DLG2: variants seen among roughly 807,000 people sequenced by gnomAD.
The protein encoded by DLG2 is disks large homolog 2.
In DLG2, 45 loss-of-function variants were observed where a neutral mutation model predicts 132.5. The ratio of observed to expected loss-of-function variants is 0.34; its 90% CI spans 0.27 to 0.44. DLG2 has a LOEUF of 0.44. Ranked by LOEUF, DLG2 falls within the 20% of genes least tolerant of loss-of-function variation. The pLI is 1.00. For missense variants in DLG2, 1,045 were observed against 1,196.9 expected (o/e 0.87, Z 1.87); for synonymous variants, 424 against 419.6 (o/e 1.01, Z -0.13).
intron 8 of DLG2, among the ~76,000 whole-genome samples, chr11:84,245,178 T>G (rs2097286237): frequency 6.6e-6 from 1 of 152,224 alleles, no homozygotes; most frequent in Non-Finnish European, 1.5e-5. Context: ...TCTATGTCAC[T>G]GAACCCATAG....
At chr11:85,371,681 T>A (rs1442436669) in intron 3 of DLG2, among the ~76,000 whole-genome samples, 1 of 152,228 alleles carries the variant, frequency 6.6e-6, no homozygotes, top group African/African-American at 2.4e-5. Flanking sequence ...CTGTGGTCAG[T>A]AAAGAATGTC....
rs183726641 is a variant in DLG2, at chr11:83,541,843, G to A, written c.1956C>T (p.Tyr652=). The change falls in exon 20 of 28, where the codon TAC becomes TAT. Residue 652 remains tyrosine (Y), a synonymous_variant. Transcript: ENST00000376104. ...RSLYVRAMFD[Y]DKSKDSGLPS... ...GCAGCCCACTGTCCTTGCTCTTGTC[G>A]TAGTCGAACATGGCTCTGGAGGAAA... 57 of 1,607,088 alleles carry A rather than the reference G, an allele frequency of 3.5e-5. No homozygotes were observed. The highest frequency in any genetic ancestry group is 9.4e-5 in the African/African-American group (7 of 74,632).
At chr11:85,148,938 A>G (rs180861483) in intron 5 of DLG2, among the ~76,000 whole-genome samples, 1 of 152,312 alleles carries the variant, frequency 6.6e-6, no homozygotes, top group East Asian at 1.9e-4. Context: ...AAGTATAAGG[A>G]AGGGGTCAAG....
intron 6 of DLG2, among the ~76,000 whole-genome samples, chr11:84,900,038 A>T (rs913727354): frequency 1.3e-5 from 2 of 152,038 alleles, no homozygotes; most frequent in Non-Finnish European, 2.9e-5. Context: ...TTTGCCTTAG[A>T]TCATTAAGAA....
intron 3 of DLG2, among the ~76,000 whole-genome samples, chr11:85,417,581 T>G (rs1255133429): frequency 1.3e-5 from 2 of 152,184 alleles, no homozygotes; most frequent in Non-Finnish European, 1.5e-5. Flanking sequence ...TCCTCAGCTT[T>G]TTTTGGTTGG....
intron 10 of DLG2, among the ~76,000 whole-genome samples, chr11:84,063,160 C>T (rs1436019472): frequency 6.6e-6 from 1 of 152,182 alleles, no homozygotes; most frequent in Non-Finnish European, 1.5e-5. Context: ...CAATCTCACT[C>T]TACCAATCTA....
chr11:84,351,601 T>C (rs768170909), intron 7 of DLG2, among the ~76,000 whole-genome samples: 1 of 152,232 alleles, frequency 6.6e-6, no homozygotes, highest in Non-Finnish European at 1.5e-5. Flanking sequence ...ATATACAGTA[T>C]TTTAACTGAG....
chr11:84,103,495 C>A (rs2092687678), intron 9 of DLG2, among the ~76,000 whole-genome samples: 1 of 152,054 alleles, frequency 6.6e-6, no homozygotes, highest in African/African-American at 2.4e-5. Flanking sequence ...AGGTGCCATG[C>A]TGGTAAGGGC....
intron 11 of DLG2, among the ~76,000 whole-genome samples, chr11:84,011,342 G>A (rs2094881208): frequency 2.0e-5 from 3 of 151,966 alleles, no homozygotes; most frequent in South Asian, 2.1e-4. Context: ...GTGGTGGCAT[G>A]TGCCTGTGGT....
At chr11:83,955,671 T>C (rs2086652440) in intron 14 of DLG2, among the ~76,000 whole-genome samples, 1 of 152,150 alleles carries the variant, frequency 6.6e-6, no homozygotes, top group South Asian at 2.1e-4. Flanking sequence ...CAATAATTAG[T>C]GAACTGGGAG....
chr11:84,566,772 C>T (rs1403668290), intron 6 of DLG2, among the ~76,000 whole-genome samples: 1 of 152,152 alleles, frequency 6.6e-6, no homozygotes, highest in Non-Finnish European at 1.5e-5. Context: ...GCTACAGTTC[C>T]TCTAACCTTG....
chr11:83,493,032 C>A (rs1015130759), intron 21 of DLG2, among the ~76,000 whole-genome samples: 4 of 152,080 alleles, frequency 2.6e-5, no homozygotes, highest in Non-Finnish European at 4.4e-5. Flanking sequence ...CTCCATAATC[C>A]AGCTCTAGCT....
chr11:84,977,762 T>A (rs1198091749), intron 6 of DLG2, among the ~76,000 whole-genome samples: 1 of 152,214 alleles, frequency 6.6e-6, no homozygotes, highest in African/African-American at 2.4e-5. Context: ...GTAAAGGCTA[T>A]GCCTTAATGC....
At chr11:85,391,098 A>G (rs973746392) in intron 3 of DLG2, among the ~76,000 whole-genome samples, 1 of 152,102 alleles carries the variant, frequency 6.6e-6, no homozygotes, top group South Asian at 2.1e-4. Flanking sequence ...GAGGAAAAAC[A>G]GGAGATATTG....
intron 18 of DLG2, among the ~76,000 whole-genome samples, chr11:83,713,884 G>A (rs1250526458): frequency 6.6e-6 from 1 of 152,198 alleles, no homozygotes; most frequent in Non-Finnish European, 1.5e-5. Context: ...GAATGTGCAA[G>A]GATGAAAAGA....
intron 18 of DLG2, among the ~76,000 whole-genome samples, chr11:83,710,350 C>A (rs919748864): frequency 1.3e-5 from 2 of 152,150 alleles, no homozygotes; most frequent in Middle Eastern, 3.4e-3. Context: ...TTGATACAGA[C>A]AGGGTTTCAC....
At chr11:84,880,853 A>C (rs1307513169) in intron 6 of DLG2, among the ~76,000 whole-genome samples, 1 of 152,122 alleles carries the variant, frequency 6.6e-6, no homozygotes, top group African/African-American at 2.4e-5. Flanking sequence ...TTTGACTTGT[A>C]CTGTGAAATA....
chr11:84,375,170 G>A (rs1030954077), intron 7 of DLG2, among the ~76,000 whole-genome samples: 35 of 152,190 alleles, frequency 2.3e-4, no homozygotes, highest in African/African-American at 8.2e-4. Context: ...TTTTCATAGT[G>A]GACTGTTATT....
At position 85,038,891 on chromosome 11, in the gene DLG2, T is replaced by C. The variant is rs117023843; in HGVS notation, c.357+72770A>G. On this transcript the variant is annotated intron_variant, in intron 6 of 27. Transcript: ENST00000376104. The stretch of plus-strand genomic sequence containing the variant: ...TTCAAACATCAGAGCTTTCCAATGA[T>C]ACAATTTTTAAAATACCTTTTTTTC... 5.2e-4 allele frequency among the ~76,000 whole-genome samples: 79 copies of C among 152,098 alleles called. 1 individual carries two copies. In the East Asian group the frequency reaches 0.014, roughly 27 times the overall value.
Sources: gnomAD v4.1 joint callset for allele counts (sites outside exome capture counted in the v4.1 genomes callset) on GRCh38, gnomAD v4.1.1 for gene constraint, MANE v1.5 for transcripts, NCBI Gene and HGNC (gene_info 2026-07-23, HGNC 2026-07-21) for gene names.